AOAH: variants seen among roughly 807,000 people sequenced by gnomAD.
AOAH encodes acyloxyacyl hydrolase.
A neutral mutation model predicts 92.2 loss-of-function variants in AOAH; 64 were observed. That is an observed-to-expected ratio of 0.69 (90% CI 0.57 to 0.86). The LOEUF (loss-of-function observed/expected upper bound fraction) is 0.86, where lower values mean the gene tolerates loss of function less well. AOAH is among the 40% of genes least tolerant of loss of function. The pLI is 0.00. For synonymous variants in AOAH, 263 were observed against 254.5 expected (o/e 1.03, Z -0.32); for missense variants, 656 against 694.6 (o/e 0.94, Z 0.62).
rs1232708714 is a variant in AOAH, at chr7:36,595,534, C to CA, written c.847-1105dup. 3.3e-5 allele frequency among the ~76,000 whole-genome samples: 5 copies of CA among 151,956 alleles called. No homozygotes were observed. In the East Asian group the frequency reaches 5.8e-4, roughly 18 times the overall value. On this transcript the variant is annotated intron_variant, in intron 11 of 20. Transcript: ENST00000617537. ...TGGGCAACAGAGCAAGACTCTGTCT[C>CA]AAAAATAAATAAATACATACATAAA...
intron 15 of AOAH, among the ~76,000 whole-genome samples, chr7:36,545,856 G>C (rs1785769817): frequency 6.6e-6 from 1 of 152,164 alleles, no homozygotes; most frequent in Non-Finnish European, 1.5e-5. Flanking sequence ...CTTTATGATT[G>C]GACGTTCTGA....
intron 1 of AOAH, among the ~76,000 whole-genome samples, chr7:36,704,472 C>T (rs1187039127): frequency 6.6e-6 from 1 of 152,138 alleles, no homozygotes; most frequent in Admixed American, 6.6e-5. Context: ...AGACCAATAA[C>T]AAGTTCTGAA....
intron 13 of AOAH, among the ~76,000 whole-genome samples, chr7:36,556,939 A>G (rs1158941705): frequency 3.3e-5 from 5 of 151,442 alleles, no homozygotes; most frequent in Non-Finnish European, 7.4e-5. Flanking sequence ...TCTTTATCCA[A>G]TTTGCCAGTC....
At chr7:36,555,777 G>T (rs1357143542) in intron 13 of AOAH, among the ~76,000 whole-genome samples, 1 of 152,184 alleles carries the variant, frequency 6.6e-6, no homozygotes, top group African/African-American at 2.4e-5. Flanking sequence ...TTGCGTAGAG[G>T]TGTTTGTAGT....
intron 13 of AOAH, among the ~76,000 whole-genome samples, chr7:36,567,472 A>T (rs1419418083): frequency 2.0e-5 from 3 of 152,200 alleles, no homozygotes; most frequent in African/African-American, 4.8e-5. Flanking sequence ...ATGAAGATGG[A>T]GTATATAAAG....
chr7:36,645,622 G>A lies in AOAH; in HGVS notation c.391-7712C>T, dbSNP rs1409943876. Among the ~76,000 whole-genome samples, 3 of 152,124 alleles carry A rather than the reference G, an allele frequency of 2.0e-5. No homozygotes were observed. In the East Asian group the frequency reaches 5.8e-4, roughly 29 times the overall value. ...AGGTCTGTTATTAAATCTGCATTCT[G>A]CTGTATCCTACAGTGGCAATTTTCC... On this transcript the variant is annotated intron_variant, in intron 4 of 20. Coordinates refer to ENST00000617537, the MANE Select transcript of AOAH (RefSeq NM_001637.4).
chr7:36,618,235 T>C, intron 10 of AOAH, 62 bp downstream of exon 10: 1 of 1,514,854 alleles, frequency 6.6e-7, no homozygotes, highest in South Asian at 1.1e-5. Flanking sequence ...CTCACTTCAA[T>C]TTGACTCAAA....
intron 5 of AOAH, among the ~76,000 whole-genome samples, chr7:36,637,532 G>A (rs369063790): frequency 3.9e-5 from 6 of 152,190 alleles, no homozygotes; most frequent in African/African-American, 1.4e-4. Flanking sequence ...GGGGAGGGGT[G>A]GATGGTGGTG....
chr7:36,585,327 T>C (rs1466847809), intron 12 of AOAH, among the ~76,000 whole-genome samples: 1 of 152,118 alleles, frequency 6.6e-6, no homozygotes, highest in Non-Finnish European at 1.5e-5. Flanking sequence ...ACAATGTTGT[T>C]GTTATAGTGG....
chr7:36,714,578 A>G (rs930529762), intron 1 of AOAH, among the ~76,000 whole-genome samples: 9 of 152,244 alleles, frequency 5.9e-5, no homozygotes, highest in Non-Finnish European at 8.8e-5. Context: ...AAAATCCTCA[A>G]TAAAATACTG....
At chr7:36,682,485 G>T (rs1562692443) in intron 2 of AOAH, among the ~76,000 whole-genome samples, 1 of 152,012 alleles carries the variant, frequency 6.6e-6, no homozygotes, top group Non-Finnish European at 1.5e-5. Context: ...TTAAGGAACA[G>T]AATAACATCC....
At chr7:36,688,566 G>A (rs986914166) in intron 1 of AOAH, among the ~76,000 whole-genome samples, 2 of 152,102 alleles carry the variant, frequency 1.3e-5, no homozygotes, top group Non-Finnish European at 2.9e-5. Flanking sequence ...TGGTGTAGTT[G>A]AAGAGAGAGA....
chr7:36,670,639 T>C (rs1166290085), intron 3 of AOAH, among the ~76,000 whole-genome samples: 1 of 152,074 alleles, frequency 6.6e-6, no homozygotes, highest in Non-Finnish European at 1.5e-5. Context: ...CACACCCGGC[T>C]AATTTTTTTT....
At chr7:36,668,751 T>C (rs1362098988) in intron 3 of AOAH, among the ~76,000 whole-genome samples, 6 of 152,258 alleles carry the variant, frequency 3.9e-5, no homozygotes, top group African/African-American at 1.4e-4. Flanking sequence ...CCTCCCAAAG[T>C]GTTGGGATTA....
At chr7:36,556,245 A>T (rs1282434554) in intron 13 of AOAH, among the ~76,000 whole-genome samples, 1 of 152,228 alleles carries the variant, frequency 6.6e-6, no homozygotes, top group Admixed American at 6.5e-5. Context: ...TTATGTACCC[A>T]GTAGTCATTC....
At chr7:36,644,488 G>A (rs1416972095) in intron 4 of AOAH, among the ~76,000 whole-genome samples, 1 of 152,154 alleles carries the variant, frequency 6.6e-6, no homozygotes, top group Non-Finnish European at 1.5e-5. Flanking sequence ...AATGGTTTCA[G>A]CCTAAGTCCA....
At chr7:36,633,580 C>T (rs976543966) in intron 5 of AOAH, among the ~76,000 whole-genome samples, 1 of 152,100 alleles carries the variant, frequency 6.6e-6, no homozygotes, top group Non-Finnish European at 1.5e-5. Context: ...CAAACATTCC[C>T]ACCTGGAGGG....
At chr7:36,574,760 A>G (rs1242180034) in intron 13 of AOAH, among the ~76,000 whole-genome samples, 1 of 152,218 alleles carries the variant, frequency 6.6e-6, no homozygotes, top group African/African-American at 2.4e-5. Context: ...TCATCAGGAA[A>G]CAGAAAAGCG....
intron 4 of AOAH, among the ~76,000 whole-genome samples, chr7:36,650,713 C>A (rs1231135117): frequency 6.6e-6 from 1 of 152,196 alleles, no homozygotes; most frequent in African/African-American, 2.4e-5. Flanking sequence ...TACATCCTCA[C>A]AAGGGAGAAG....
Sources: allele counts gnomAD v4.1 joint callset (sites outside exome capture counted in the v4.1 genomes callset), GRCh38; gene constraint gnomAD v4.1.1; transcripts MANE v1.5; gene names NCBI Gene and HGNC (gene_info 2026-07-23, HGNC 2026-07-21).